Variants in NCAPG2 observed in about 807,000 individuals in gnomAD.
The protein encoded by NCAPG2 is non-SMC condensin II complex subunit G2, also known as condensin-2 complex subunit G2.
In NCAPG2, 53 loss-of-function variants were observed where a neutral mutation model predicts 141.1. The observed-to-expected ratio is 0.38, with a 90% CI of 0.30 to 0.47. NCAPG2 has a LOEUF of 0.47. Among genes scored for constraint, NCAPG2 ranks in the 20% least tolerant of loss-of-function variants. NCAPG2 has a pLI of 0.99. For synonymous variants in NCAPG2, 499 were observed against 490.7 expected, an observed-to-expected ratio of 1.02 and a Z score of -0.22; for missense variants, 1,087 against 1,389.0, an observed-to-expected ratio of 0.78 and a Z score of 3.46.
chr7:158,704,283 G>A (rs1180403363), intron 1 of NCAPG2, among the ~76,000 whole-genome samples: 1 of 145,156 alleles, frequency 6.9e-6, no homozygotes, highest in Non-Finnish European at 1.5e-5. Context: ...GGACTGAGGG[G>A]GTCGCTCTCT....
rs1407597966 is a variant in NCAPG2, at chr7:158,667,123, G to T, written c.1480-2373C>A. ...ACTTTCAAGGGAAATTAGCTTGCAT[G>T]CTCGTCACAAACCTTTCCAGACACC... On this transcript the variant is annotated intron_variant, in intron 13 of 27. Transcript: ENST00000356309. 7.1e-6 allele frequency: 7 copies of T among 983,912 alleles called. No individual in the cohort carries two copies. The Admixed American group carries it at 3.7e-4, about 52-fold the overall frequency. 60.9% of individuals were successfully genotyped at this position (983,912 alleles called of 1,614,324 possible).
In NCAPG2 at chr7:158,692,878, A is replaced by G. The variant is rs1187016694; in HGVS notation, c.346T>C (p.Tyr116His). ...ATAACACATTCCAGTAGGGCTTCGT[A>G]GTTCTCACTTTCATTTATTACAGAC... Reference protein sequence around the residue: ...SVSVINESENYEALLECVIIL... With the variant: ...SVSVINESENHEALLECVIIL... The change falls in exon 4 of 28, where the codon TAC becomes CAC. Residue 116 changes from tyrosine to histidine, a missense_variant. By Grantham distance (83) the Tyr-to-His change is moderately conservative. Coordinates refer to ENST00000356309, the MANE Select transcript of NCAPG2 (RefSeq NM_017760.7). 7 of 1,589,828 alleles carry G rather than the reference A, an allele frequency of 4.4e-6. No individual in the cohort carries two copies. Among genetic ancestry groups the G allele is most frequent in the Non-Finnish European group, 6.0e-6 (7 of 1,161,846 alleles).
At position 158,680,085 on chromosome 7, in the gene NCAPG2, C is replaced by T. The variant is rs116585170; in HGVS notation, c.1021G>A (p.Ala341Thr). Residue 341 changes from alanine to threonine, a missense_variant and splice_region_variant, in exon 11 of 28, where the codon GCC becomes ACC. Ala to Thr is a moderately conservative substitution (Grantham distance 58). Transcript: ENST00000356309. The part of the protein sequence containing the change: ...YKPILWRGLK[A>T]RNSEVRSNAA... The stretch of plus-strand genomic sequence containing the variant: ...TTTGATCGAACTTCAGAGTTTCTGG[C>T]CTATAATAATAAAAGAAGAGTATCT... 415 of 1,613,032 alleles carry T rather than the reference C, an allele frequency of 2.6e-4. 1 individual carries two copies. The African/African-American group carries it at 4.3e-3, about 17-fold the overall frequency.
At chr7:158,663,670 T>A (rs1000357402) in intron 15 of NCAPG2, among the ~76,000 whole-genome samples, 2 of 152,252 alleles carry the variant, frequency 1.3e-5, no homozygotes, top group African/African-American at 4.8e-5. Context: ...AGTTTCTTAA[T>A]GTAGTGGGCA....
intron 23 of NCAPG2, 122 bp from the exon 24 acceptor site, chr7:158,651,094 T>C: frequency 9.4e-7 from 1 of 1,060,880 alleles, no homozygotes; most frequent in South Asian, 1.8e-5. Flanking sequence ...GTCACTGATC[T>C]TGTTTGCCTG....
intron 6 of NCAPG2, among the ~76,000 whole-genome samples, chr7:158,687,829 C>T (rs1834868554): frequency 6.6e-6 from 1 of 152,140 alleles, no homozygotes; most frequent in South Asian, 2.1e-4. Flanking sequence ...AGTTGAATAT[C>T]CCAGTTCATT....
intron 4 of NCAPG2, among the ~76,000 whole-genome samples, chr7:158,691,864 T>C (rs1340053347): frequency 6.6e-6 from 1 of 152,222 alleles, no homozygotes; most frequent in African/African-American, 2.4e-5. Context: ...TATCTAGCAA[T>C]GGTAATCACA....
intron 13 of NCAPG2, among the ~76,000 whole-genome samples, chr7:158,665,904 C>T (rs1832894223): frequency 6.6e-6 from 1 of 152,188 alleles, no homozygotes; most frequent in South Asian, 2.1e-4. Context: ...GGGATACTTC[C>T]ACTCAGGCAC....
At chr7:158,634,217 T>C (rs1830047318) in intron 27 of NCAPG2, among the ~76,000 whole-genome samples, 1 of 152,000 alleles carries the variant, frequency 6.6e-6, no homozygotes, top group South Asian at 2.1e-4. Flanking sequence ...GTCCCTGGTA[T>C]AGTGTTTGCA....
At chr7:158,700,538 C>T (rs1271115040) in intron 2 of NCAPG2, among the ~76,000 whole-genome samples, 2 of 152,352 alleles carry the variant, frequency 1.3e-5, no homozygotes, top group African/African-American at 4.8e-5. Flanking sequence ...AATCCATATA[C>T]ACTGCTACTG....
At position 158,690,919 on chromosome 7, in the gene NCAPG2, G is replaced by A. The variant is rs147164269; in HGVS notation, c.383-197C>T. On this transcript the variant is annotated intron_variant, in intron 4 of 27. Coordinates refer to ENST00000356309, the MANE Select transcript of NCAPG2 (RefSeq NM_017760.7). ...AATGTTAATTAAAAAACTGTTTGAC[G>A]ATTGTTATAAAAAGACCCTCAACAG... 2.4e-4 allele frequency among the ~76,000 whole-genome samples: 37 copies of A among 152,230 alleles called. 1 individual carries two copies. The highest frequency in any genetic ancestry group is 7.9e-4 in the African/African-American group (33 of 41,544).
In NCAPG2 at chr7:158,633,074, T is replaced by C. The variant is rs955765090; in HGVS notation, c.3381-1357A>G. ...AATTATTTAGCTGTGATTTTTTTTT[T>C]CCATCAATCCAGAATGTAGTGAAAG... On this transcript the variant is annotated intron_variant, in intron 27 of 27. Coordinates refer to ENST00000356309, the MANE Select transcript of NCAPG2 (RefSeq NM_017760.7). The surrounding 1 kb of genome is among the most constrained non-coding windows in gnomAD (Gnocchi z 4.1). 6.6e-5 allele frequency among the ~76,000 whole-genome samples: 10 copies of C among 152,202 alleles called. No individual in the cohort carries two copies. The highest frequency in any genetic ancestry group is 9.7e-5 in the African/African-American group (4 of 41,446).
At position 158,646,440 on chromosome 7, in the gene NCAPG2, A is replaced by C. The variant is rs1831025230; in HGVS notation, c.3179+20T>G. On this transcript the variant is annotated intron_variant, in intron 25 of 27. Coordinates refer to ENST00000356309, the MANE Select transcript of NCAPG2 (RefSeq NM_017760.7). The stretch of plus-strand genomic sequence containing the variant: ...ACAGCCACGATGAGCATTTCAGGAC[A>C]GTAAAGAGAAAGTGATTACCTGACC... 1.9e-6 allele frequency: 3 copies of C among 1,558,726 alleles called. No homozygotes were observed. The African/African-American group carries it at 4.1e-5, about 21-fold the overall frequency.
chr7:158,640,758 A>G (rs1196800744), intron 27 of NCAPG2: 2 of 152,216 alleles, frequency 1.3e-5, no homozygotes, highest in African/African-American at 4.8e-5. Context: ...ATTTGGATCA[A>G]CACAAACAAA....
intron 27 of NCAPG2, 62 bp downstream of exon 27, chr7:158,644,227 G>T: frequency 7.4e-7 from 1 of 1,355,238 alleles, no homozygotes; most frequent in Non-Finnish European, 1.1e-6. Context: ...ACAACCTCAT[G>T]CAGATCCAAA....
At chr7:158,648,612 TGGAC>T (rs1387047825) in intron 24 of NCAPG2, among the ~76,000 whole-genome samples, 1 of 84,900 alleles carries the variant, frequency 1.2e-5, no homozygotes, top group African/African-American at 4.1e-5. Flanking sequence ...CCACGCCAAA[TGGAC>T]GACAACCACG....
rs766173486 is a variant in NCAPG2 at position 158,656,606 on chromosome 7, C to A, written c.2160G>T (p.Gly720=). Reference sequence around the variant, plus strand: ...AGTTGTCAACAAGCTCCAGAATGTGCCCCACCTGCCCCCAGGAGCAGAGGC... The same window carrying A: ...AGTTGTCAACAAGCTCCAGAATGTGACCCACCTGCCCCCAGGAGCAGAGGC... ...LDCLCSWGQV[G]HILELVDNWL... Residue 720 remains glycine (G), a synonymous_variant, in exon 18 of 28, where the codon GGG becomes GGT. Coordinates refer to ENST00000356309, the MANE Select transcript of NCAPG2 (RefSeq NM_017760.7). 4 of 1,614,104 alleles carry A rather than the reference C, an allele frequency of 2.5e-6. No individual in the cohort carries two copies. Among genetic ancestry groups the A allele is most frequent in the Non-Finnish European group, 3.4e-6 (4 of 1,180,016 alleles).
intron 11 of NCAPG2, among the ~76,000 whole-genome samples, chr7:158,677,777 T>C (rs1355249923): frequency 1.3e-5 from 2 of 152,140 alleles, no homozygotes; most frequent in East Asian, 3.9e-4. Context: ...TGCAATGCTG[T>C]TTCTGTCGCA....
At chr7:158,690,834 A>C (rs1835072909) in intron 4 of NCAPG2, 112 bp from the exon 5 acceptor site, 4 of 942,658 alleles carry the variant, frequency 4.2e-6, no homozygotes. Context: ...TGCTAAGCAA[A>C]TAATATTAGT....
Sources: allele counts gnomAD v4.1 joint callset (sites outside exome capture counted in the v4.1 genomes callset), GRCh38; gene constraint gnomAD v4.1.1; non-coding constraint Gnocchi (gnomAD v3.1); transcripts MANE v1.5; gene names NCBI Gene and HGNC (gene_info 2026-07-23, HGNC 2026-07-21).